Variants in KCNN1 observed in about 807,000 individuals in gnomAD.
KCNN1 encodes small conductance calcium-activated potassium channel protein 1.
Under a neutral mutation model 44.7 loss-of-function variants are expected in KCNN1, and 20 were observed. The ratio of observed to expected loss-of-function variants is 0.45; its 90% confidence interval spans 0.32 to 0.65. The LOEUF (loss-of-function observed/expected upper bound fraction) is 0.65, where lower values mean the gene tolerates loss of function less well. Ranked by LOEUF, KCNN1 falls within the 30% of genes least tolerant of loss-of-function variation. The pLI is 0.05. For missense variants in KCNN1, 632 were observed against 785.3 expected, an observed-to-expected ratio of 0.80 and a Z score of 2.33; for synonymous variants, 324 against 341.7, an observed-to-expected ratio of 0.95 and a Z score of 0.57.
At chr19:17,986,443 G>T (rs1320124434) in intron 5 of KCNN1, among the ~76,000 whole-genome samples, 4 of 152,028 alleles carry the variant, frequency 2.6e-5, no homozygotes, top group Non-Finnish European at 5.9e-5. Context: ...GACTTTCGGG[G>T]TGTTCCCTGA....
chr19:17,952,112 G>A (rs1031342454), intron 1 of KCNN1: 4 of 150,536 alleles, frequency 2.7e-5, no homozygotes, highest in African/African-American at 5.0e-5. Flanking sequence ...GACGCCTTGC[G>A]GGGGGGAGGG....
chr19:17,957,070 CAAAA>C (rs2031559163), intron 2 of KCNN1, among the ~76,000 whole-genome samples: 1 of 94,226 alleles, frequency 1.1e-5, no homozygotes, highest in Non-Finnish European at 2.2e-5. Flanking sequence ...CAAAACAAAA[CAAAA>C]AAACAAAAAA....
chr19:17,983,704 G>A lies in KCNN1; in HGVS notation c.917+1577G>A, dbSNP rs1281991061. ...TCGCTCTGACCCACCCCCGCCTCCC[G>A]CATGTCCCCCAGCCGTGCTCCTGGG... On this transcript the variant is annotated intron_variant, in intron 4 of 9. Transcript: ENST00000684775. The surrounding 1 kb of genome is among the most constrained non-coding windows in gnomAD (Gnocchi z 4.5). Among the ~76,000 whole-genome samples, 3 of 150,534 alleles carry A rather than the reference G, an allele frequency of 2.0e-5. No homozygotes were observed. Among genetic ancestry groups the A allele is most frequent in the East Asian group, 1.9e-4 (1 of 5,146 alleles).
upstream of KCNN1, among the ~76,000 whole-genome samples, chr19:17,966,055 T>G (rs949922309): frequency 2.0e-5 from 3 of 151,500 alleles, no homozygotes; most frequent in Non-Finnish European, 2.9e-5. Context: ...CTTCCTTCCT[T>G]CCTTCCTTCC....
At chr19:17,959,019 T>A (rs2031614596) in intron 2 of KCNN1, among the ~76,000 whole-genome samples, 1 of 149,936 alleles carries the variant, frequency 6.7e-6, no homozygotes, top group Non-Finnish European at 1.5e-5. Context: ...TATTTATTTA[T>A]TTATTTATTT....
chr19:17,957,119 G>GAGGA (rs1228519216), intron 2 of KCNN1, among the ~76,000 whole-genome samples: 4 of 128,280 alleles, frequency 3.1e-5, no homozygotes, highest in Non-Finnish European at 6.7e-5. Flanking sequence ...CAGAGGGAGG[G>GAGGA]AGGAAGGAAG....
upstream of KCNN1, among the ~76,000 whole-genome samples, chr19:17,964,500 C>T (rs551006106): frequency 6.6e-6 from 1 of 152,392 alleles, no homozygotes; most frequent in African/African-American, 2.4e-5. The surrounding 1 kb of genome is among the most constrained non-coding windows in gnomAD (Gnocchi z 4.3). Flanking sequence ...AGGACACAGC[C>T]TGTGCGCAAG....
chr19:17,981,834 G>A lies in KCNN1; in HGVS notation c.624G>A (p.Thr208=), dbSNP rs1178549741. The change falls in exon 4 of 10, where the codon ACG becomes ACA. Residue 208 remains threonine, a synonymous_variant. Coordinates refer to ENST00000684775, the MANE Select transcript of KCNN1 (RefSeq NM_001386974.1). ...CGGTGCCCGGCCACTACCGCTTCAC[G>A]TGGACGGCGCGGCTGGCCTTCACGT... ...IHPVPGHYRF[T]WTARLAFTYA... is the part of the protein sequence containing the mutation. 3 of 1,613,064 alleles carry A rather than the reference G, an allele frequency of 1.9e-6. No homozygotes were observed. The highest frequency in any genetic ancestry group is 1.7e-4 in the Middle Eastern group (1 of 6,060).
chr19:17,997,914 A>AG (rs1568462341), intron 9 of KCNN1, among the ~76,000 whole-genome samples: 1 of 150,982 alleles, frequency 6.6e-6, no homozygotes, highest in African/African-American at 2.4e-5. Context: ...AAAAAAAAAA[A>AG]AGAGAGAAAG....
Position 17,983,501 on chromosome 19 carries a change from CCT to C in KCNN1, c.917+1375_917+1376del, listed in dbSNP as rs947961299. On this transcript the variant is annotated intron_variant, in intron 4 of 9. Transcript: ENST00000684775. This position sits in a 1 kb window ranked among gnomAD's most constrained non-coding sequence, Gnocchi z 4.5. ...TGTTCCCCCATGCAGCTCTCACACCCCTGATGGGTGGGGTCAGAACTAGGGTT... is the reference window on the plus strand; with the variant it reads ...TGTTCCCCCATGCAGCTCTCACACCCGATGGGTGGGGTCAGAACTAGGGTT... 3.3e-5 allele frequency among the ~76,000 whole-genome samples: 5 copies of C among 152,152 alleles called. No individual in the cohort carries two copies. The highest frequency in any genetic ancestry group is 4.8e-5 in the African/African-American group (2 of 41,440).
At chr19:17,996,140 G>A (rs1288146069) in intron 9 of KCNN1, among the ~76,000 whole-genome samples, 1 of 143,750 alleles carries the variant, frequency 7.0e-6, no homozygotes, top group African/African-American at 2.6e-5. Flanking sequence ...GACCAGCCTG[G>A]GCAACATGGC....
At chr19:17,987,764 A>G (rs991422951) in intron 5 of KCNN1, among the ~76,000 whole-genome samples, 1 of 139,076 alleles carries the variant, frequency 7.2e-6, no homozygotes. Flanking sequence ...TGGGAGGCCG[A>G]GGTGGGTGGA....
chr19:17,962,027 C>T (rs887949165), intron 2 of KCNN1, among the ~76,000 whole-genome samples: 2 of 152,184 alleles, frequency 1.3e-5, no homozygotes, highest in Non-Finnish European at 2.9e-5. Context: ...ATGGAGCTGC[C>T]ACAGTGGGGA....
intron 7 of KCNN1, among the ~76,000 whole-genome samples, chr19:17,990,799 C>CAAAAA (rs1252211442): frequency 3.6e-5 from 2 of 54,852 alleles, no homozygotes; most frequent in African/African-American, 6.6e-5. Flanking sequence ...GACTCTGTCT[C>CAAAAA]AAAAAAAAAA....
chr19:17,956,675 G>A (rs1156578168), intron 2 of KCNN1, among the ~76,000 whole-genome samples: 1 of 151,942 alleles, frequency 6.6e-6, no homozygotes, highest in Non-Finnish European at 1.5e-5. Flanking sequence ...GAGCCCAAGA[G>A]GTCGAGGATA....
At chr19:17,980,037 G>A (rs1453848137) in intron 3 of KCNN1, among the ~76,000 whole-genome samples, 1 of 149,122 alleles carries the variant, frequency 6.7e-6, no homozygotes, top group Non-Finnish European at 1.5e-5. Flanking sequence ...CCCCATCTCT[G>A]CATTAATTTT....
chr19:17,991,038 G>A (rs1359517831), intron 7 of KCNN1, among the ~76,000 whole-genome samples: 1 of 151,226 alleles, frequency 6.6e-6, no homozygotes, highest in Admixed American at 6.6e-5. Flanking sequence ...TGCTTGGTTG[G>A]GCATGGTGGC....
intron 2 of KCNN1, among the ~76,000 whole-genome samples, chr19:17,958,688 G>GTATTTATTTATTTATTTATT (rs151293226): frequency 1.4e-4 from 21 of 148,576 alleles, no homozygotes; most frequent in African/African-American, 4.7e-4. Flanking sequence ...ATTTTCAATT[G>GTATTTATTTATTTATTTATT]TATTTATTTA....
At chr19:17,982,737 G>A (rs967181829) in intron 4 of KCNN1, among the ~76,000 whole-genome samples, 2 of 152,170 alleles carry the variant, frequency 1.3e-5, no homozygotes, top group African/African-American at 2.4e-5. Context: ...CCCGTCACGG[G>A]GGCAGGCCAC....
Sources: allele counts gnomAD v4.1 joint callset (sites outside exome capture counted in the v4.1 genomes callset), GRCh38; gene constraint gnomAD v4.1.1; non-coding constraint Gnocchi (gnomAD v3.1); transcripts MANE v1.5; gene names NCBI Gene and HGNC (gene_info 2026-07-23, HGNC 2026-07-21).